The following UGT2B7 variants were observed in gnomAD, a reference collection of about 807,000 sequenced individuals.
UGT2B7 encodes UDP glucuronosyltransferase family 2 member B7.
UGT2B7 carries 51 observed loss-of-function variants against 51.9 expected under a neutral mutation model. The observed-to-expected ratio is 0.98, with a 90% CI of 0.78 to 1.24. The LOEUF (loss-of-function observed/expected upper bound fraction) is 1.24. Among genes scored for constraint, UGT2B7 ranks in the 50% most tolerant of loss-of-function variants. UGT2B7 has a pLI of 0.00. For missense variants in UGT2B7, 727 were observed against 628.4 expected, an observed-to-expected ratio of 1.16 and a Z score of -1.68; for synonymous variants, 225 against 211.6, an observed-to-expected ratio of 1.06 and a Z score of -0.55.
chr4:69,073,476 G>A (rs1718641634), intron 1 of UGT2B7, among the ~76,000 whole-genome samples: 1 of 152,136 alleles, frequency 6.6e-6, no homozygotes, highest in Non-Finnish European at 1.5e-5. Context: ...CTAGAATCCT[G>A]ATTCATCATG....
At chr4:69,075,029 TA>T (rs1718673168) in intron 1 of UGT2B7, among the ~76,000 whole-genome samples, 1 of 152,128 alleles carries the variant, frequency 6.6e-6, no homozygotes, top group Non-Finnish European at 1.5e-5. Context: ...TTTGAGTAAA[TA>T]TTTTAAAATG....
At chr4:69,092,599 A>G (rs1036136376), upstream of UGT2B7, among the ~76,000 whole-genome samples, 1 of 148,476 alleles carries the variant, frequency 6.7e-6, no homozygotes, top group Non-Finnish European at 1.5e-5. Context: ...TATAAAAAGT[A>G]AAATATAAAA....
chr4:69,092,551 G>GGCCTAACA (rs1560506976), upstream of UGT2B7, among the ~76,000 whole-genome samples: 2 of 151,374 alleles, frequency 1.3e-5, no homozygotes, highest in Non-Finnish European at 2.9e-5. Context: ...GCACATCGTA[G>GGCCTAACA]GACAGAGTGA....
upstream of UGT2B7, among the ~76,000 whole-genome samples, chr4:69,093,065 C>T (rs1327901731): frequency 6.6e-6 from 1 of 152,082 alleles, no homozygotes; most frequent in Non-Finnish European, 1.5e-5. Context: ...GCTAAGTCAC[C>T]CAAACAGCAA....
Position 69,096,869 on chromosome 4 carries a change from T to C in UGT2B7, c.349T>C (p.Ser117Pro), listed in dbSNP as rs766272023. The change falls in exon 1 of 6, where the codon TCA (serine) becomes CCA (proline). Residue 117 changes from serine to proline, a missense_variant. Coordinates refer to ENST00000305231, the MANE Select transcript of UGT2B7 (RefSeq NM_001074.4). Reference sequence around the variant, plus strand: ...TTTTTCACAAGTACAGGAAATCATGTCAATATTTGGTGACATAACTAGAAA... The same window carrying C: ...TTTTTCACAAGTACAGGAAATCATGCCAATATTTGGTGACATAACTAGAAA... ...LYFSQVQEIM[S>P]IFGDITRKFC... The C allele has an allele frequency of 6.2e-7, 1 of 1,613,482 alleles. No homozygotes were observed. The highest frequency in any genetic ancestry group is 8.5e-7 in the Non-Finnish European group (1 of 1,179,806).
At chr4:69,103,088 G>T (rs2109889165) in intron 3 of UGT2B7, 150 bp downstream of exon 3, 1 of 1,397,420 alleles carries the variant, frequency 7.2e-7, no homozygotes, top group Non-Finnish European at 9.4e-7. Flanking sequence ...ACTATGAGAA[G>T]TTTGAAAATT....
At chr4:69,074,893 A>G (rs1228641381) in intron 1 of UGT2B7, among the ~76,000 whole-genome samples, 1 of 152,050 alleles carries the variant, frequency 6.6e-6, no homozygotes. Flanking sequence ...TCATTTTTTA[A>G]TGCATGTATA....
intron 1 of UGT2B7, among the ~76,000 whole-genome samples, chr4:69,080,523 G>A (rs961915099): frequency 6.7e-6 from 1 of 148,872 alleles, no homozygotes; most frequent in African/African-American, 2.5e-5. Context: ...ACTCTGGCCT[G>A]GGCAACAGAG....
At chr4:69,102,541 C>A (rs1229110255) in intron 2 of UGT2B7, among the ~76,000 whole-genome samples, 1 of 152,016 alleles carries the variant, frequency 6.6e-6, no homozygotes. Context: ...GTAATAGCTC[C>A]ATTTCTTTTC....
rs754330234 is a variant in UGT2B7, at chr4:69,097,016, A to G, written c.496A>G (p.Ile166Val). 4 of 1,613,792 alleles carry G rather than the reference A, an allele frequency of 2.5e-6. No individual in the cohort carries two copies. The South Asian group carries it at 4.4e-5, about 18-fold the overall frequency. Residue 166 changes from isoleucine (I) to valine (V), a missense_variant, in exon 1 of 6, where the codon ATA becomes GTA. Physicochemically the swap from Ile to Val is conservative, Grantham distance 29. Coordinates refer to ENST00000305231, the MANE Select transcript of UGT2B7 (RefSeq NM_001074.4). ...TGAGCTGCTGGCTGAGCTATTTAAC[A>G]TACCCTTTGTGTACAGTCTCAGCTT... Reference protein sequence around the residue: ...CSELLAELFNIPFVYSLSFSP... With the variant: ...CSELLAELFNVPFVYSLSFSP...
At chr4:69,102,784 T>G in intron 2 of UGT2B7, 23 bp from the exon 3 acceptor site, 1 of 1,609,814 alleles carries the variant, frequency 6.2e-7, no homozygotes, top group Non-Finnish European at 8.5e-7. Flanking sequence ...TCTTTTGTGA[T>G]GAAGCAAATT....
At chr4:69,065,426 C>T (rs747891235) in intron 1 of UGT2B7, among the ~76,000 whole-genome samples, 1 of 152,058 alleles carries the variant, frequency 6.6e-6, no homozygotes, top group Non-Finnish European at 1.5e-5. Flanking sequence ...AGTTAACAGC[C>T]AACAGAACAA....
intron 1 of UGT2B7, among the ~76,000 whole-genome samples, chr4:69,077,684 G>A (rs1224650190): frequency 6.6e-6 from 1 of 152,160 alleles, no homozygotes; most frequent in East Asian, 1.9e-4. Context: ...ATTTGGGGCT[G>A]AGACAGTGGG....
intron 1 of UGT2B7, among the ~76,000 whole-genome samples, chr4:69,061,150 G>T (rs912450836): frequency 2.0e-5 from 3 of 152,202 alleles, no homozygotes; most frequent in Non-Finnish European, 4.4e-5. Context: ...AAAGCTGATA[G>T]GTCTTATAAG....
chr4:69,069,863 G>C (rs899642075), intron 1 of UGT2B7: 11 of 151,960 alleles, frequency 7.2e-5, no homozygotes, highest in African/African-American at 2.4e-4. Context: ...AAGTTGTTAA[G>C]GCGAGAAAGA....
intron 1 of UGT2B7, among the ~76,000 whole-genome samples, chr4:69,075,567 C>G (rs960236155): frequency 6.6e-6 from 1 of 152,022 alleles, no homozygotes; most frequent in African/African-American, 2.4e-5. Flanking sequence ...CATCAATCAC[C>G]AAGTATGTAA....
chr4:69,099,965 A>T (rs1719371490), intron 2 of UGT2B7, among the ~76,000 whole-genome samples: 1 of 152,036 alleles, frequency 6.6e-6, no homozygotes, highest in Middle Eastern at 3.2e-3. Context: ...GGTAATAAGG[A>T]TCTTCACCAG....
intron 2 of UGT2B7, among the ~76,000 whole-genome samples, chr4:69,099,967 C>T (rs1037393287): frequency 1.3e-5 from 2 of 152,000 alleles, no homozygotes; most frequent in African/African-American, 4.8e-5. Context: ...TAATAAGGAT[C>T]TTCACCAGTA....
At chr4:69,090,477 T>C (rs1719062207) in intron 2 of UGT2B7, among the ~76,000 whole-genome samples, 1 of 97,282 alleles carries the variant, frequency 1.0e-5, no homozygotes, top group East Asian at 3.9e-4. Flanking sequence ...TAATTAAAAA[T>C]AAATTAATAT....
Sources: gnomAD v4.1 joint callset for allele counts (sites outside exome capture counted in the v4.1 genomes callset) on GRCh38, gnomAD v4.1.1 for gene constraint, MANE v1.5 for transcripts, NCBI Gene and HGNC (gene_info 2026-07-23, HGNC 2026-07-21) for gene names.